Variants in SNTG1 observed in about 807,000 individuals in gnomAD.
The protein encoded by SNTG1 is gamma-1-syntrophin.
SNTG1 carries 39 observed loss-of-function variants against 74.7 expected under a neutral mutation model. That is an observed-to-expected ratio of 0.52 (90% CI 0.40 to 0.68). SNTG1 has a LOEUF of 0.68. SNTG1 is among the 30% of genes least tolerant of loss of function. The pLI, the probability that SNTG1 is intolerant of heterozygous loss-of-function variation, is 0.00. For synonymous variants in SNTG1, 254 were observed against 217.1 expected (o/e 1.17, Z -1.49); for missense variants, 685 against 609.5 (o/e 1.12, Z -1.30).
At chr8:50,506,373 T>G (rs1193603273) in intron 9 of SNTG1, among the ~76,000 whole-genome samples, 5 of 152,082 alleles carry the variant, frequency 3.3e-5, no homozygotes, top group Admixed American at 3.3e-4. Flanking sequence ...TTTCTATTTC[T>G]GCAAAATAAT....
intron 1 of SNTG1, among the ~76,000 whole-genome samples, chr8:50,130,283 C>T (rs1438001668): frequency 2.0e-5 from 3 of 151,956 alleles, no homozygotes; most frequent in Admixed American, 1.3e-4. Flanking sequence ...TCACACAAAG[C>T]TAATTGGAGT....
chr8:50,158,489 TTTAGAA>T (rs2082319345), intron 1 of SNTG1, among the ~76,000 whole-genome samples: 1 of 152,132 alleles, frequency 6.6e-6, no homozygotes, highest in Non-Finnish European at 1.5e-5. Context: ...AGGACTTCTA[TTTAGAA>T]TAACAGGGTA....
intron 17 of SNTG1, among the ~76,000 whole-genome samples, chr8:50,751,495 A>G (rs891834881): frequency 6.6e-6 from 1 of 152,058 alleles, no homozygotes; most frequent in Admixed American, 6.6e-5. Flanking sequence ...AAGAGGCTCT[A>G]CTTTCCAAGA....
chr8:50,407,070 C>G (rs192843448), intron 4 of SNTG1, among the ~76,000 whole-genome samples: 12 of 152,222 alleles, frequency 7.9e-5, no homozygotes, highest in Admixed American at 7.9e-4. Context: ...TAAACTTGAC[C>G]TTTCACAGTG....
intron 13 of SNTG1, among the ~76,000 whole-genome samples, chr8:50,597,583 T>C (rs534621289): frequency 5.3e-5 from 8 of 151,932 alleles, no homozygotes; most frequent in Admixed American, 1.3e-4. Context: ...AGTAATGGAT[T>C]GCTGGATCAT....
intron 1 of SNTG1, among the ~76,000 whole-genome samples, chr8:49,991,663 A>G (rs1437303280): frequency 6.6e-6 from 1 of 152,236 alleles, no homozygotes; most frequent in Non-Finnish European, 1.5e-5. Flanking sequence ...TATAACTGAG[A>G]TGAGCTTTGA....
At chr8:50,502,502 C>T (rs1365681654) in intron 8 of SNTG1, among the ~76,000 whole-genome samples, 1 of 152,052 alleles carries the variant, frequency 6.6e-6, no homozygotes, top group African/African-American at 2.4e-5. Flanking sequence ...CCTCATATTG[C>T]CTAATATAGA....
intron 13 of SNTG1, among the ~76,000 whole-genome samples, chr8:50,653,945 C>T (rs1005500625): frequency 6.6e-6 from 1 of 152,100 alleles, no homozygotes; most frequent in South Asian, 2.1e-4. Flanking sequence ...AATCGTCTGC[C>T]TTCTATTAAA....
intron 18 of SNTG1, among the ~76,000 whole-genome samples, chr8:50,774,181 A>C (rs1201127158): frequency 2.0e-5 from 3 of 151,934 alleles, no homozygotes; most frequent in Non-Finnish European, 4.4e-5. Flanking sequence ...CCAAGAAAAC[A>C]AGAAGGGACA....
At chr8:50,253,900 G>A (rs541688236) in intron 2 of SNTG1, among the ~76,000 whole-genome samples, 2 of 151,952 alleles carry the variant, frequency 1.3e-5, no homozygotes, top group Admixed American at 6.6e-5. Context: ...AAAGCGAGGG[G>A]AGTAGGGAGG....
intron 2 of SNTG1, among the ~76,000 whole-genome samples, chr8:50,236,450 A>T (rs12545101): frequency 0.28 from 39,202 of 138,652 alleles, 5,477 homozygotes; most frequent in Middle Eastern, 0.41. Flanking sequence ...TTAATTGTAA[A>T]TTTTTTTTTT....
intron 1 of SNTG1, among the ~76,000 whole-genome samples, chr8:49,960,592 G>T (rs935015528): frequency 6.6e-6 from 1 of 152,036 alleles, no homozygotes; most frequent in Non-Finnish European, 1.5e-5. Context: ...GCCATAAGAT[G>T]CTACAGTTCA....
chr8:50,166,034 T>C (rs1376033023), intron 1 of SNTG1, among the ~76,000 whole-genome samples: 2 of 129,216 alleles, frequency 1.5e-5, no homozygotes, highest in Admixed American at 8.4e-5. Flanking sequence ...GATTCCCTAT[T>C]TAATAAATGG....
At chr8:50,223,885 G>A (rs1402085386) in intron 2 of SNTG1, among the ~76,000 whole-genome samples, 2 of 151,832 alleles carry the variant, frequency 1.3e-5, no homozygotes, top group Non-Finnish European at 2.9e-5. Flanking sequence ...AAAGTATAAG[G>A]AATATAAGAA....
At chr8:49,935,609 C>A (rs1808012680) in intron 1 of SNTG1, among the ~76,000 whole-genome samples, 1 of 151,918 alleles carries the variant, frequency 6.6e-6, no homozygotes, top group South Asian at 2.1e-4. Context: ...ATTTTCCCAG[C>A]CCTGGTTAAG....
intron 4 of SNTG1, among the ~76,000 whole-genome samples, chr8:50,404,466 A>G (rs184236988): frequency 1.2e-4 from 18 of 152,196 alleles, no homozygotes; most frequent in African/African-American, 4.3e-4. Context: ...AATCTTGAAT[A>G]AAAAGAACAA....
At chr8:50,202,567 T>G (rs1410925736) in intron 2 of SNTG1, among the ~76,000 whole-genome samples, 1 of 152,164 alleles carries the variant, frequency 6.6e-6, no homozygotes, top group Non-Finnish European at 1.5e-5. Context: ...ATTGCACAGA[T>G]GACCCACAGT....
At chr8:50,433,260 A>G (rs1011368403) in intron 4 of SNTG1, among the ~76,000 whole-genome samples, 18 of 152,074 alleles carry the variant, frequency 1.2e-4, no homozygotes, top group South Asian at 6.2e-4. Context: ...TTTTTTTTCA[A>G]TTCTTTGGGA....
At chr8:50,414,652 TTCA>T (rs2092991948) in intron 4 of SNTG1, among the ~76,000 whole-genome samples, 1 of 152,262 alleles carries the variant, frequency 6.6e-6, no homozygotes, top group East Asian at 1.9e-4. Context: ...ATTTATTTTA[TTCA>T]TCATTTTATT....
Sources: allele counts gnomAD v4.1 joint callset (sites outside exome capture counted in the v4.1 genomes callset), GRCh38; gene constraint gnomAD v4.1.1; transcripts MANE v1.5; gene names NCBI Gene and HGNC (gene_info 2026-07-23, HGNC 2026-07-21).